The following MYRIP variants were observed in gnomAD, a reference collection of about 807,000 sequenced individuals.
MYRIP encodes the protein myosin VIIA and Rab interacting protein, also known as rab effector MyRIP.
A neutral mutation model predicts 98.0 loss-of-function variants in MYRIP; 49 were observed. The observed-to-expected ratio is 0.50, with a 90% CI of 0.40 to 0.63. The LOEUF is 0.63. Ranked by LOEUF, MYRIP falls within the 30% of genes least tolerant of loss-of-function variation. MYRIP has a pLI of 0.00. For synonymous variants in MYRIP, 404 were observed against 409.5 expected (o/e 0.99, Z 0.16); for missense variants, 1,004 against 1,058.2 (o/e 0.95, Z 0.71).
chr3:40,181,150 G>A (rs1052692455), intron 8 of MYRIP, among the ~76,000 whole-genome samples: 8 of 151,566 alleles, frequency 5.3e-5, no homozygotes, highest in Non-Finnish European at 1.2e-4. Flanking sequence ...TACTGTGAGT[G>A]CAGGGCAAGA....
chr3:39,951,579 T>C (rs1351449261), intron 2 of MYRIP, among the ~76,000 whole-genome samples: 1 of 152,238 alleles, frequency 6.6e-6, no homozygotes, highest in Non-Finnish European at 1.5e-5. Flanking sequence ...AGCATGGCTA[T>C]CTTTCAATAA....
rs778511057 is a variant in MYRIP at position 40,190,278 on chromosome 3, C to G, written c.1480C>G (p.Leu494Val). The G allele has an allele frequency of 7.7e-5, 124 of 1,613,936 alleles. No individual in the cohort carries two copies. The highest frequency in any genetic ancestry group is 1.3e-5 in the African/African-American group (1 of 74,880). The change falls in exon 10 of 17, where the codon CTG becomes GTG. Residue 494 changes from leucine (L) to valine (V), a missense_variant. Physicochemically the swap from Leu to Val is conservative, Grantham distance 32 (BLOSUM62 1). This residue lies in a region of MYRIP where 880 missense variants were observed against 907.7 expected (regional missense o/e 0.97). Transcript: ENST00000302541. ...AAEKMRLHGE[L>V]DVNFNPQLAS... The stretch of plus-strand genomic sequence containing the variant: ...TGAGAAGATGCGCTTGCATGGAGAG[C>G]TGGACGTGAACTTCAACCCCCAGTT...
At chr3:39,901,176 G>A (rs1023846057) in intron 2 of MYRIP, among the ~76,000 whole-genome samples, 11 of 152,270 alleles carry the variant, frequency 7.2e-5, no homozygotes, top group African/African-American at 2.7e-4. Flanking sequence ...TATAGAATGA[G>A]TGGAGCTTGT....
At chr3:40,079,438 C>T (rs551484404) in intron 3 of MYRIP, among the ~76,000 whole-genome samples, 4 of 152,268 alleles carry the variant, frequency 2.6e-5, no homozygotes, top group Admixed American at 6.5e-5. Context: ...GGACAGTTGC[C>T]GTTAAATCCA....
At chr3:40,040,547 C>T (rs1179964427) in intron 2 of MYRIP, among the ~76,000 whole-genome samples, 1 of 64,178 alleles carries the variant, frequency 1.6e-5, no homozygotes, top group Admixed American at 2.2e-4. Flanking sequence ...TATTGCGGCA[C>T]TATTCACAAT....
chr3:39,816,078 CT>C (rs11382431), intron 1 of MYRIP, among the ~76,000 whole-genome samples: 182 of 143,182 alleles, frequency 1.3e-3, no homozygotes, highest in African/African-American at 2.9e-3. Context: ...TTCTTTTTTT[CT>C]TTTTTTTTTT....
chr3:40,126,828 C>CT (rs1949535065), intron 3 of MYRIP, among the ~76,000 whole-genome samples: 1 of 152,178 alleles, frequency 6.6e-6, no homozygotes, highest in South Asian at 2.1e-4. Flanking sequence ...GCAAGTGATG[C>CT]TAGTAGCAAG....
intron 1 of MYRIP, among the ~76,000 whole-genome samples, chr3:39,820,531 G>A (rs950095300): frequency 1.3e-5 from 2 of 152,092 alleles, no homozygotes; most frequent in East Asian, 3.9e-4. Context: ...TATGGCAGGT[G>A]CTGCTTTTGT....
At chr3:39,886,421 A>T (rs1347410186) in intron 1 of MYRIP, among the ~76,000 whole-genome samples, 1 of 149,132 alleles carries the variant, frequency 6.7e-6, no homozygotes, top group African/African-American at 2.5e-5. Context: ...AAGACCCATC[A>T]GTGTGCTGTA....
intron 10 of MYRIP, among the ~76,000 whole-genome samples, chr3:40,192,161 T>A (rs1242112868): frequency 4.7e-5 from 7 of 150,402 alleles, no homozygotes; most frequent in Non-Finnish European, 7.4e-5. Flanking sequence ...CTCACTGTGT[T>A]GCCCAGGCTG....
rs1242731458 is a variant in MYRIP at position 40,258,510 on chromosome 3, G to C, written c.*344G>C. 3 of 253,608 alleles carry C rather than the reference G, an allele frequency of 1.2e-5. No homozygotes were observed. In the South Asian group the frequency reaches 3.3e-4, roughly 28 times the overall value. The allele number at this position is 253,608 out of a possible 1,614,324, so 15.7% of individuals were successfully genotyped here. A position where few individuals can be genotyped will look rare whatever the true frequency, so the allele number is the denominator to read the frequency against. On this transcript the variant is annotated 3_prime_UTR_variant, in exon 17 of 17. Transcript: ENST00000302541. Reference sequence around the variant, plus strand: ...TTAAGATCTTTTTTTAAATACATTTGATTCAGCTAGTATTCCATGTCAACA... The same window carrying C: ...TTAAGATCTTTTTTTAAATACATTTCATTCAGCTAGTATTCCATGTCAACA...
intron 2 of MYRIP, among the ~76,000 whole-genome samples, chr3:39,964,136 ATATT>A (rs1194179169): frequency 1.3e-5 from 2 of 152,042 alleles, no homozygotes; most frequent in Non-Finnish European, 2.9e-5. Context: ...AAATGGGAAA[ATATT>A]TATTTTCATC....
chr3:39,812,946 A>T (rs992774087), intron 1 of MYRIP, among the ~76,000 whole-genome samples: 2 of 152,194 alleles, frequency 1.3e-5, no homozygotes, highest in Middle Eastern at 3.2e-3. Flanking sequence ...GCTCTTTATG[A>T]AGATGGCCGT....
chr3:39,853,241 T>C (rs1942192423), intron 1 of MYRIP, among the ~76,000 whole-genome samples: 1 of 152,244 alleles, frequency 6.6e-6, no homozygotes, highest in Non-Finnish European at 1.5e-5. Context: ...TTTTTTAATA[T>C]AATGACTTCT....
At chr3:40,009,435 A>G (rs1185495469) in intron 2 of MYRIP, among the ~76,000 whole-genome samples, 1 of 151,910 alleles carries the variant, frequency 6.6e-6, no homozygotes, top group East Asian at 1.9e-4. Context: ...ACGGGGTTTC[A>G]CTGTGTTAGC....
chr3:40,235,235 C>T (rs1347759446), intron 12 of MYRIP, among the ~76,000 whole-genome samples: 2 of 152,112 alleles, frequency 1.3e-5, no homozygotes. Context: ...CTATGCTCCC[C>T]AATAAGGATG....
At chr3:40,168,252 G>T (rs1001103494) in intron 7 of MYRIP, among the ~76,000 whole-genome samples, 1 of 152,216 alleles carries the variant, frequency 6.6e-6, no homozygotes, top group African/African-American at 2.4e-5. Flanking sequence ...AGATGCTCCT[G>T]AGCTTACAGT....
At chr3:40,125,456 C>T (rs1239112215) in intron 3 of MYRIP, among the ~76,000 whole-genome samples, 1 of 152,176 alleles carries the variant, frequency 6.6e-6, no homozygotes, top group Admixed American at 6.5e-5. Context: ...TATTCACTGG[C>T]CTCTGATTAG....
At chr3:39,869,893 C>A (rs1054186835) in intron 1 of MYRIP, among the ~76,000 whole-genome samples, 11 of 152,108 alleles carry the variant, frequency 7.2e-5, no homozygotes, top group Admixed American at 2.6e-4. Context: ...CAGTTGCATG[C>A]CAACGGCATG....
Sources: allele counts gnomAD v4.1 joint callset (sites outside exome capture counted in the v4.1 genomes callset), GRCh38; gene constraint gnomAD v4.1.1; regional missense constraint gnomAD v4.1.1; transcripts MANE v1.5; gene names NCBI Gene and HGNC (gene_info 2026-07-23, HGNC 2026-07-21).